WDHD1: variants seen among roughly 807,000 people sequenced by gnomAD.
WDHD1 encodes WD repeat and HMG-box DNA-binding protein 1.
In WDHD1, 111 loss-of-function variants were observed where a neutral mutation model predicts 135.4. That is an observed-to-expected ratio of 0.82 (90% CI 0.70 to 0.96). The LOEUF is 0.96. WDHD1 is among the 40% of genes least tolerant of loss of function. The pLI, the probability that WDHD1 is intolerant of heterozygous loss-of-function variation, is 0.00. For missense variants in WDHD1, 1,351 were observed against 1,336.3 expected, an observed-to-expected ratio of 1.01 and a Z score of -0.17; for synonymous variants, 434 against 439.0, an observed-to-expected ratio of 0.99 and a Z score of 0.14.
chr14:54,972,579 AAAAAAAAAAAAT>A lies in WDHD1; in HGVS notation c.2064-5197_2064-5186del, dbSNP rs1271219444. Among the ~76,000 whole-genome samples, 360 of 126,248 alleles carry A rather than the reference AAAAAAAAAAAAT, an allele frequency of 2.9e-3. 33 individuals are homozygous for A. The highest frequency in any genetic ancestry group is 0.013 in the African/African-American group (346 of 26,074). The allele number at this position is 126,248 out of a possible 152,430, so 82.8% of individuals were successfully genotyped here. On this transcript the variant is annotated intron_variant, in intron 16 of 25. Coordinates refer to ENST00000360586, the MANE Select transcript of WDHD1 (RefSeq NM_007086.4). ...AAAAAAAAAAAAAAAAAAAAAAAAAAAAAAAAAAAAATGCCAATGAGGCATATTCACTTTCAT... is the reference window on the plus strand; with the variant it reads ...AAAAAAAAAAAAAAAAAAAAAAAAAAGCCAATGAGGCATATTCACTTTCAT...
At chr14:54,964,567 A>T (rs1219275555) in intron 18 of WDHD1, among the ~76,000 whole-genome samples, 2 of 151,972 alleles carry the variant, frequency 1.3e-5, no homozygotes, top group Non-Finnish European at 2.9e-5. Flanking sequence ...TGAACCTGGG[A>T]GGCGGAGCTT....
At chr14:55,009,279 C>CCCCTT (rs2042124534) in intron 4 of WDHD1, among the ~76,000 whole-genome samples, 1 of 152,136 alleles carries the variant, frequency 6.6e-6, no homozygotes, top group African/African-American at 2.4e-5. Context: ...CTATTATTTG[C>CCCCTT]TAATCTAATT....
intron 25 of WDHD1, 35 bp downstream of exon 25, chr14:54,944,297 C>A: frequency 6.3e-7 from 1 of 1,597,878 alleles, no homozygotes; most frequent in Non-Finnish European, 8.5e-7. Flanking sequence ...TCTGGGAATT[C>A]ACTAAGATCT....
At chr14:55,013,193 T>TAAAAAAAAAAAAA (rs2042200035) in intron 3 of WDHD1, among the ~76,000 whole-genome samples, 1 of 39,104 alleles carries the variant, frequency 2.6e-5, no homozygotes, top group Non-Finnish European at 4.5e-5. Context: ...AGATCCCGTT[T>TAAAAAAAAAAAAA]CAAAAAAAAA....
intron 16 of WDHD1, among the ~76,000 whole-genome samples, chr14:54,974,868 G>A (rs977068112): frequency 3.3e-5 from 5 of 152,124 alleles, no homozygotes; most frequent in Non-Finnish European, 7.4e-5. Flanking sequence ...ACTAGGTCGT[G>A]TCCAGATTAA....
chr14:54,955,473 A>G, intron 24 of WDHD1, 88 bp downstream of exon 24: 1 of 1,295,950 alleles, frequency 7.7e-7, no homozygotes, highest in Non-Finnish European at 1.0e-6. Context: ...ATTTGTATTA[A>G]GGAATAACAG....
intron 18 of WDHD1, among the ~76,000 whole-genome samples, chr14:54,965,449 C>G (rs2041325344): frequency 6.6e-6 from 1 of 152,178 alleles, no homozygotes; most frequent in Admixed American, 6.5e-5. Context: ...GCAGGCATAT[C>G]TAACAGCCCG....
chr14:54,986,009 T>C (rs1412759192), intron 14 of WDHD1, among the ~76,000 whole-genome samples: 3 of 152,158 alleles, frequency 2.0e-5, no homozygotes, highest in Non-Finnish European at 4.4e-5. Flanking sequence ...AAACTCTAAA[T>C]AGATTTCAAG....
intron 2 of WDHD1, among the ~76,000 whole-genome samples, chr14:55,014,993 A>G (rs1445956476): frequency 1.3e-5 from 2 of 152,148 alleles, no homozygotes; most frequent in Non-Finnish European, 2.9e-5. Context: ...AATGAAGTCT[A>G]GGTCACCTAT....
rs1480905417 is a variant in WDHD1 at position 54,939,065 on chromosome 14, G to A, written c.*2425C>T. The A allele has an allele frequency of 6.6e-6, 1 of 152,124 alleles. No individual in the cohort carries two copies. Among genetic ancestry groups the A allele is most frequent in the Admixed American group, 6.6e-5 (1 of 15,254 alleles). 9.4% of individuals were successfully genotyped at this position (152,124 alleles called of 1,614,324 possible). On this transcript the variant is annotated 3_prime_UTR_variant, in exon 26 of 26. Transcript: ENST00000360586. ...GTCTATAAAGCATACATGATAAAAT[G>A]TCAACAATAAGACAAACTAGAGGAA...
chr14:55,005,647 A>G (rs2042053862), intron 7 of WDHD1: 3 of 580,172 alleles, frequency 5.2e-6, no homozygotes, highest in Non-Finnish European at 6.6e-6. Context: ...ACTTAAGGAC[A>G]TCCTCCTCCT....
chr14:55,017,740 A>C (rs1291909734), intron 2 of WDHD1, among the ~76,000 whole-genome samples: 2 of 152,250 alleles, frequency 1.3e-5, no homozygotes, highest in African/African-American at 4.8e-5. Context: ...ATGAGCTGCA[A>C]GATAACACAC....
In WDHD1 at chr14:55,002,107, T is replaced by A. The variant is rs753408851; in HGVS notation, c.679A>T (p.Asn227Tyr). The stretch of plus-strand genomic sequence containing the variant: ...GTAAAACCTACCTGAGAGATGAAAT[T>A]ATCTGAAAGATCAAATTGATGACTC... ...SWSHQFDLSD[N>Y]FISQTLNIVT... The change falls in exon 8 of 26, where the codon AAT becomes TAT. Residue 227 changes from asparagine to tyrosine, a missense_variant. Transcript: ENST00000360586. 6.2e-7 allele frequency: 1 copy of A among 1,606,128 alleles called. No homozygotes were observed. The highest frequency in any genetic ancestry group is 2.2e-5 in the East Asian group (1 of 44,684).
intron 2 of WDHD1, among the ~76,000 whole-genome samples, chr14:55,015,969 G>A (rs2042256095): frequency 6.6e-6 from 1 of 152,210 alleles, no homozygotes; most frequent in Non-Finnish European, 1.5e-5. Flanking sequence ...AAAGTGCTGG[G>A]ATTATAGGCA....
At chr14:54,949,350 C>T (rs866188326) in intron 24 of WDHD1, among the ~76,000 whole-genome samples, 30 of 152,090 alleles carry the variant, frequency 2.0e-4, no homozygotes, top group South Asian at 6.2e-4. Context: ...AACTACGTGA[C>T]GAATGCACAA....
intron 23 of WDHD1, 108 bp downstream of exon 23, chr14:54,956,926 A>T: frequency 7.2e-7 from 1 of 1,379,624 alleles, no homozygotes; most frequent in East Asian, 2.4e-5. Context: ...CTAGCAAGAC[A>T]ATTGTAAACA....
At chr14:55,012,653 C>T (rs2042189976) in intron 3 of WDHD1, among the ~76,000 whole-genome samples, 1 of 152,146 alleles carries the variant, frequency 6.6e-6, no homozygotes, top group Non-Finnish European at 1.5e-5. Flanking sequence ...ATTCTGAAGG[C>T]TGGACACTAC....
intron 7 of WDHD1, chr14:55,005,625 C>T: frequency 3.4e-6 from 2 of 594,824 alleles, no homozygotes; most frequent in South Asian, 1.4e-5. Context: ...AAGTGGGTTC[C>T]TCCTGCAAGG....
intron 24 of WDHD1, among the ~76,000 whole-genome samples, chr14:54,946,534 G>A (rs1375652587): frequency 6.6e-6 from 1 of 152,182 alleles, no homozygotes; most frequent in African/African-American, 2.4e-5. Context: ...CGCCCAGGCT[G>A]GAGTGCAGTG....
Sources: gnomAD v4.1 joint callset for allele counts (sites outside exome capture counted in the v4.1 genomes callset) on GRCh38, gnomAD v4.1.1 for gene constraint, MANE v1.5 for transcripts, NCBI Gene and HGNC (gene_info 2026-07-23, HGNC 2026-07-21) for gene names.